FXR2: variants seen among roughly 807,000 people sequenced by gnomAD.
The protein encoded by FXR2 is FMR1 autosomal homolog 2.
In FXR2, 9 loss-of-function variants were observed where a neutral mutation model predicts 87.3. That is an observed-to-expected ratio of 0.10 (90% CI 0.06 to 0.18). FXR2 has a LOEUF of 0.18. Among genes scored for constraint, FXR2 ranks in the 10% least tolerant of loss-of-function variants. FXR2 has a pLI of 1.00. For synonymous variants in FXR2, 331 were observed against 328.3 expected (o/e 1.01, Z -0.09); for missense variants, 661 against 893.6 (o/e 0.74, Z 3.32).
At position 7,592,545 on chromosome 17, in the gene FXR2, C is replaced by T; in HGVS notation, c.1784G>A (p.Gly595Asp). Residue 595 changes from glycine (G) to aspartate (D), a missense_variant, in exon 15 of 17, where the codon GGT becomes GAT. By Grantham distance (94) the Gly-to-Asp change is moderately conservative. Transcript: ENST00000250113. This position sits in a 1 kb window ranked among gnomAD's most constrained non-coding sequence, Gnocchi z 4.8. The stretch of plus-strand genomic sequence containing the variant: ...ACTGATAGAGCCATCAGTCCGATTA[C>T]CACGGTTACGGCGGCGGCGGCTGCG... The part of the protein sequence containing the change: ...RNRSRRRRNR[G>D]NRTDGSISGD... 6.2e-7 allele frequency: 1 copy of T among 1,614,004 alleles called. No individual in the cohort carries two copies. Among genetic ancestry groups the T allele is most frequent in the Non-Finnish European group, 8.5e-7 (1 of 1,179,888 alleles).
At chr17:7,610,867 G>A (rs548222700) in intron 1 of FXR2, among the ~76,000 whole-genome samples, 2 of 152,302 alleles carry the variant, frequency 1.3e-5, no homozygotes, top group South Asian at 2.1e-4. Flanking sequence ...AGCCAGCAGA[G>A]GAAGAGAGAG....
chr17:7,610,087 G>A (rs889592685), intron 1 of FXR2, among the ~76,000 whole-genome samples: 2 of 150,886 alleles, frequency 1.3e-5, no homozygotes, highest in South Asian at 2.1e-4. Flanking sequence ...TTAGCCAGGC[G>A]TGGTGGCACA....
rs773301011 is a variant in FXR2 at position 7,592,241 on chromosome 17, C to T, written c.1926+13G>A. On this transcript the variant is annotated intron_variant, in intron 16 of 16. Transcript: ENST00000250113. The surrounding 1 kb of genome is among the most constrained non-coding windows in gnomAD (Gnocchi z 4.8). ...AAAAAAGGGATGGGGTAAAGCACAT[C>T]TTGCCTGCCTACCTTCTGTCCTGAA... 5 of 1,597,066 alleles carry T rather than the reference C, an allele frequency of 3.1e-6. No individual in the cohort carries two copies. The South Asian group carries it at 5.5e-5, about 18-fold the overall frequency.
intron 1 of FXR2, among the ~76,000 whole-genome samples, chr17:7,606,425 T>C (rs2071803775): frequency 6.6e-6 from 1 of 152,200 alleles, no homozygotes; most frequent in Non-Finnish European, 1.5e-5. Context: ...GGGGCCTCCC[T>C]ATCTGTCTGC....
intron 5 of FXR2, 108 bp from the exon 6 acceptor site, chr17:7,603,110 G>A (rs1297114584): frequency 3.2e-6 from 2 of 623,528 alleles, no homozygotes; most frequent in East Asian, 5.6e-5. Flanking sequence ...ACTTTGGGAG[G>A]CTAGGGCAGG....
chr17:7,593,391 T>C lies in FXR2; in HGVS notation c.1330+12A>G. On this transcript the variant is annotated intron_variant, in intron 12 of 16. Coordinates refer to ENST00000250113, the MANE Select transcript of FXR2 (RefSeq NM_004860.4). This position sits in a 1 kb window ranked among gnomAD's most constrained non-coding sequence, Gnocchi z 6.1. ...TGCCACTCCTTGCCTCCTGTTCCCATAACTGTCTCACCATAGGCAGGACCG... is the reference window on the plus strand; with the variant it reads ...TGCCACTCCTTGCCTCCTGTTCCCACAACTGTCTCACCATAGGCAGGACCG... 2 of 1,549,366 alleles carry C rather than the reference T, an allele frequency of 1.3e-6. No individual in the cohort carries two copies. The highest frequency in any genetic ancestry group is 1.8e-6 in the Non-Finnish European group (2 of 1,142,794).
In FXR2 at chr17:7,591,372, A is replaced by T. The variant is rs892623431; in HGVS notation, c.*458T>A. ...TACACACCCCTGGTTCTACTCCAAAACCTTCCCCGTGCCTCCCACCCACTT... is the reference window on the plus strand; with the variant it reads ...TACACACCCCTGGTTCTACTCCAAATCCTTCCCCGTGCCTCCCACCCACTT... On this transcript the variant is annotated 3_prime_UTR_variant, in exon 17 of 17. Transcript: ENST00000250113. This position sits in a 1 kb window ranked among gnomAD's most constrained non-coding sequence, Gnocchi z 4.0. 2 of 192,716 alleles carry T rather than the reference A, an allele frequency of 1.0e-5. No individual in the cohort carries two copies. Among genetic ancestry groups the T allele is most frequent in the Non-Finnish European group, 2.2e-5 (2 of 91,702 alleles). The allele number at this position is 192,716 out of a possible 1,614,324, so 11.9% of individuals were successfully genotyped here.
rs1335103768 is a variant in FXR2 at position 7,591,961 on chromosome 17, G to A, written c.1927-36C>T. On this transcript the variant is annotated intron_variant, in intron 16 of 16. Coordinates refer to ENST00000250113, the MANE Select transcript of FXR2 (RefSeq NM_004860.4). This position sits in a 1 kb window ranked among gnomAD's most constrained non-coding sequence, Gnocchi z 4.0. ...AGTGGGAAAGAAAACAGAAAAGCAA[G>A]AAGCGGTGAGTAGAAATTCAGGTGG... The A allele has an allele frequency of 1.1e-5, 15 of 1,349,340 alleles. No individual in the cohort carries two copies. In the African/African-American group the frequency reaches 1.9e-4, roughly 17 times the overall value. 83.6% of individuals were successfully genotyped at this position (1,349,340 alleles called of 1,614,324 possible).
Position 7,594,647 on chromosome 17 carries a change from C to A in FXR2, c.910+32G>T. ...TCACTGTAGAGAATCTTGATTCTGACCTCTAACTGTATATACACACCACCA... is the reference window on the plus strand; with the variant it reads ...TCACTGTAGAGAATCTTGATTCTGAACTCTAACTGTATATACACACCACCA... On this transcript the variant is annotated intron_variant, in intron 9 of 16. Transcript: ENST00000250113. This position sits in a 1 kb window ranked among gnomAD's most constrained non-coding sequence, Gnocchi z 5.1. 1 of 1,317,326 alleles carries A rather than the reference C, an allele frequency of 7.6e-7. No homozygotes were observed. Among genetic ancestry groups the A allele is most frequent in the Non-Finnish European group, 1.1e-6 (1 of 908,918 alleles). 81.6% of individuals were successfully genotyped at this position (1,317,326 alleles called of 1,614,324 possible).
intron 7 of FXR2, among the ~76,000 whole-genome samples, chr17:7,596,920 T>C (rs1437097462): frequency 6.6e-6 from 1 of 151,928 alleles, no homozygotes; most frequent in Non-Finnish European, 1.5e-5. Flanking sequence ...GCCAACATAG[T>C]GAAACCCCAT....
chr17:7,596,094 T>G (rs2071705191), intron 7 of FXR2, 100 bp from the exon 8 acceptor site: 1 of 922,376 alleles, frequency 1.1e-6, no homozygotes, highest in Non-Finnish European at 1.7e-6. Context: ...TGTGTGATAT[T>G]AATAGAAAGC....
In FXR2 at chr17:7,593,127, T is replaced by C; in HGVS notation, c.1385A>G (p.Glu462Gly). The C allele has an allele frequency of 1.3e-6, 2 of 1,570,546 alleles. No homozygotes were observed. The highest frequency in any genetic ancestry group is 1.7e-6 in the Non-Finnish European group (2 of 1,161,012). The change falls in exon 13 of 17, where the codon GAG becomes GGG. Residue 462 changes from glutamate to glycine, a missense_variant. By Grantham distance (98) the Glu-to-Gly change is moderately conservative (BLOSUM62 -2). Around this residue, in one of 3 missense-constraint regions of FXR2, gnomAD observed 409 missense variants for 432.0 expected, o/e 0.95. Transcript: ENST00000250113. This position sits in a 1 kb window ranked among gnomAD's most constrained non-coding sequence, Gnocchi z 6.1. ...ASETESEKRE[E>G]PNRAGPGDRD... ...GTCGCCAGGCCCAGCTCGGTTGGGCTCCTCTCTCTTCTCTGACTCAGTCTC... is the reference window on the plus strand; with the variant it reads ...GTCGCCAGGCCCAGCTCGGTTGGGCCCCTCTCTCTTCTCTGACTCAGTCTC...
At chr17:7,597,180 A>C (rs1354187895) in intron 7 of FXR2, among the ~76,000 whole-genome samples, 1 of 152,184 alleles carries the variant, frequency 6.6e-6, no homozygotes, top group African/African-American at 2.4e-5. Context: ...ATCAGTCCTT[A>C]GAGGAACCCC....
chr17:7,591,816 G>A lies in FXR2; in HGVS notation c.*14C>T, dbSNP rs964637128. On this transcript the variant is annotated 3_prime_UTR_variant, in exon 17 of 17. Coordinates refer to ENST00000250113, the MANE Select transcript of FXR2 (RefSeq NM_004860.4). This position sits in a 1 kb window ranked among gnomAD's most constrained non-coding sequence, Gnocchi z 4.0. The stretch of plus-strand genomic sequence containing the variant: ...CAAGCGAGATGGAGAAGGGAGGGGT[G>A]CAGGTTGGAGGTTTTATGAAACCCC... The A allele has an allele frequency of 4.5e-6, 6 of 1,318,918 alleles. No homozygotes were observed. Among genetic ancestry groups the A allele is most frequent in the African/African-American group, 2.9e-5 (2 of 69,248 alleles). 81.7% of individuals were successfully genotyped at this position (1,318,918 alleles called of 1,614,324 possible).
At chr17:7,609,733 C>A (rs2071833097) in intron 1 of FXR2, among the ~76,000 whole-genome samples, 1 of 151,824 alleles carries the variant, frequency 6.6e-6, no homozygotes, top group African/African-American at 2.4e-5. Context: ...CCCACTCCCA[C>A]AACCACTAAT....
rs1485908570 is a variant in FXR2 at position 7,591,862 on chromosome 17, C to T, written c.1990G>A (p.Glu664Lys). ...SENGELSAPL[E>K]LGSMVNGVS The stretch of plus-strand genomic sequence containing the variant: ...ACCCCATTCACCATACTACCCAACT[C>T]CAAGGGGGCGGAGAGCTCCCCATTC... Residue 664 changes from glutamate to lysine, a missense_variant, in exon 17 of 17, where the codon GAG becomes AAG. Physicochemically the swap from Glu to Lys is moderately conservative, Grantham distance 56. This residue lies in a region of FXR2 where 409 missense variants were observed against 432.0 expected (regional missense o/e 0.95). Transcript: ENST00000250113. The surrounding 1 kb of genome is among the most constrained non-coding windows in gnomAD (Gnocchi z 4.0). 6.2e-7 allele frequency: 1 copy of T among 1,603,032 alleles called. No individual in the cohort carries two copies. The highest frequency in any genetic ancestry group is 1.1e-5 in the South Asian group (1 of 90,898).
In FXR2 at chr17:7,593,737, G is replaced by A. The variant is rs1597871417; in HGVS notation, c.1108-112C>T. ...ATCTAACCTCTCAGGAATGCAGGGA[G>A]AAGGAAGACACTGGCTAAACAAGGA... On this transcript the variant is annotated intron_variant, in intron 11 of 16. Transcript: ENST00000250113. This position sits in a 1 kb window ranked among gnomAD's most constrained non-coding sequence, Gnocchi z 6.1. 1 of 861,622 alleles carries A rather than the reference G, an allele frequency of 1.2e-6. No individual in the cohort carries two copies. The highest frequency in any genetic ancestry group is 2.7e-5 in the East Asian group (1 of 37,674). 53.4% of individuals were successfully genotyped at this position (861,622 alleles called of 1,614,324 possible).
At chr17:7,598,169 G>A (rs116745372) in intron 7 of FXR2, among the ~76,000 whole-genome samples, 8 of 152,016 alleles carry the variant, frequency 5.3e-5, no homozygotes, top group South Asian at 2.1e-4. Context: ...AGGCACTTTC[G>A]GCCGGGCACA....
At chr17:7,613,187 G>A (rs1043234286) in intron 1 of FXR2, among the ~76,000 whole-genome samples, 2 of 151,664 alleles carry the variant, frequency 1.3e-5, no homozygotes, top group African/African-American at 4.8e-5. Flanking sequence ...AAAAAGGCCT[G>A]AGGGGAACTG....
Sources: gnomAD v4.1 joint callset for allele counts (sites outside exome capture counted in the v4.1 genomes callset) on GRCh38, gnomAD v4.1.1 for gene constraint, gnomAD v4.1.1 regional missense constraint, Gnocchi (gnomAD v3.1) non-coding constraint, MANE v1.5 for transcripts, NCBI Gene and HGNC (gene_info 2026-07-23, HGNC 2026-07-21) for gene names.